Variants in CSMD1 observed in about 807,000 individuals in gnomAD.
CSMD1 encodes the protein CUB and Sushi multiple domains 1, also known as CUB and sushi domain-containing protein 1.
Under a neutral mutation model 417.5 loss-of-function variants are expected in CSMD1, and 213 were observed. The ratio of observed to expected loss-of-function variants is 0.51; its 90% CI spans 0.46 to 0.57. The LOEUF (loss-of-function observed/expected upper bound fraction) is 0.57. CSMD1 is among the 20% of genes least tolerant of loss of function. The pLI is 0.00. For synonymous variants in CSMD1, 2,862 were observed against 1,736.8 expected (o/e 1.65, Z -16.11); for missense variants, 6,923 against 4,529.7 (o/e 1.53, Z -15.17).
At chr8:4,734,492 A>G (rs544671952) in intron 1 of CSMD1, among the ~76,000 whole-genome samples, 1 of 152,272 alleles carries the variant, frequency 6.6e-6, no homozygotes, top group African/African-American at 2.4e-5. Context: ...AAGCTCTAAG[A>G]TTTTTTTATT....
intron 41 of CSMD1, among the ~76,000 whole-genome samples, chr8:3,133,233 A>T (rs1033626107): frequency 6.6e-6 from 1 of 151,658 alleles, no homozygotes; most frequent in Non-Finnish European, 1.5e-5. Flanking sequence ...TGCTGTCCCA[A>T]TGGGGCCCCT....
chr8:4,037,600 G>C (rs1797686268), intron 3 of CSMD1, among the ~76,000 whole-genome samples: 1 of 107,110 alleles, frequency 9.3e-6, no homozygotes, highest in Non-Finnish European at 1.9e-5. Flanking sequence ...CAATGGAAAG[G>C]AGAATGGACT....
At chr8:4,464,121 C>T (rs1800005228) in intron 2 of CSMD1, among the ~76,000 whole-genome samples, 1 of 150,836 alleles carries the variant, frequency 6.6e-6, no homozygotes, top group Non-Finnish European at 1.5e-5. Flanking sequence ...GAGCTCAGAA[C>T]CTTGAGTCGA....
chr8:3,347,941 T>G, intron 22 of CSMD1, 51 bp downstream of exon 22: 1 of 1,339,806 alleles, frequency 7.5e-7, no homozygotes, highest in Non-Finnish European at 1.0e-6. Flanking sequence ...AGACAATGTA[T>G]TTTTTGAGAA....
At chr8:4,306,844 T>C (rs1241892208) in intron 3 of CSMD1, among the ~76,000 whole-genome samples, 2 of 119,944 alleles carry the variant, frequency 1.7e-5, no homozygotes, top group Admixed American at 8.6e-5. Context: ...TTAAAAAAAA[T>C]CTAATAATTT....
intron 2 of CSMD1, among the ~76,000 whole-genome samples, chr8:4,471,887 G>A (rs1800557012): frequency 6.6e-6 from 1 of 152,098 alleles, no homozygotes; most frequent in Non-Finnish European, 1.5e-5. Context: ...GTTTCCAGTG[G>A]GTAGGCTACA....
chr8:3,495,921 G>C (rs917768800), intron 10 of CSMD1, among the ~76,000 whole-genome samples: 1 of 152,048 alleles, frequency 6.6e-6, no homozygotes, highest in Non-Finnish European at 1.5e-5. Context: ...CTTTCCTTAA[G>C]TTCCGGGGTA....
intron 3 of CSMD1, among the ~76,000 whole-genome samples, chr8:4,126,243 C>T (rs1046725114): frequency 2.0e-5 from 3 of 152,158 alleles, no homozygotes; most frequent in African/African-American, 4.8e-5. Context: ...AATAAAACTC[C>T]AGTCTCCCAC....
At chr8:2,972,848 T>C (rs913674311) in intron 57 of CSMD1, among the ~76,000 whole-genome samples, 2 of 152,086 alleles carry the variant, frequency 1.3e-5, no homozygotes, top group Non-Finnish European at 2.9e-5. Flanking sequence ...ACACCACATA[T>C]AGATTATCAC....
intron 3 of CSMD1, among the ~76,000 whole-genome samples, chr8:4,403,976 TCTC>T (rs1804836765): frequency 6.6e-6 from 1 of 152,056 alleles, no homozygotes; most frequent in Admixed American, 6.6e-5. Context: ...CCCCTAAAAC[TCTC>T]CTTTCTCAGG....
chr8:4,647,153 G>T (rs1052373989), intron 1 of CSMD1, among the ~76,000 whole-genome samples: 2 of 151,846 alleles, frequency 1.3e-5, no homozygotes, highest in Non-Finnish European at 2.9e-5. Context: ...TCACAAATGG[G>T]TTCATATCCA....
chr8:4,851,425 C>A (rs551135274), intron 1 of CSMD1, among the ~76,000 whole-genome samples: 1 of 151,842 alleles, frequency 6.6e-6, no homozygotes, highest in Admixed American at 6.6e-5. Context: ...GCATCTTCTT[C>A]GTCAATTTCT....
rs535297674 is a variant in CSMD1, at chr8:3,277,010, A to C, written c.4153+7134T>G. On this transcript the variant is annotated intron_variant, in intron 26 of 69. Coordinates refer to ENST00000635120, the MANE Select transcript of CSMD1 (RefSeq NM_033225.6). ...AAGTGACAATGTGATTGTCTTCGCT[A>C]AAGAAACCTTTGAATGTGAGATAGG... Among the ~76,000 whole-genome samples the C allele has an allele frequency of 5.3e-5, 8 of 152,248 alleles. No homozygotes were observed. In the South Asian group the frequency reaches 1.7e-3, roughly 32 times the overall value.
At chr8:4,990,733 T>C (rs148245837) in intron 1 of CSMD1, among the ~76,000 whole-genome samples, 106 of 152,178 alleles carry the variant, frequency 7.0e-4, no homozygotes, top group African/African-American at 2.5e-3. Flanking sequence ...CCTGGCTTCA[T>C]CAGGAGGAAG....
At position 4,796,594 on chromosome 8, in the gene CSMD1, C is replaced by T. The variant is rs145845135; in HGVS notation, c.86-159036G>A. The stretch of plus-strand genomic sequence containing the variant: ...ACTCACTGTGGGAGGCTGCAGACCT[C>T]GGCTCCAAGACCACTGATTAGCAAA... On this transcript the variant is annotated intron_variant, in intron 1 of 69. Coordinates refer to ENST00000635120, the MANE Select transcript of CSMD1 (RefSeq NM_033225.6). 3.2e-4 allele frequency among the ~76,000 whole-genome samples: 49 copies of T among 152,000 alleles called. No homozygotes were observed. In the East Asian group the frequency reaches 8.8e-3, roughly 27 times the overall value.
At chr8:4,784,834 TAGA>T (rs1480750929) in intron 1 of CSMD1, among the ~76,000 whole-genome samples, 3 of 152,186 alleles carry the variant, frequency 2.0e-5, no homozygotes, top group Non-Finnish European at 4.4e-5. Flanking sequence ...GCAGGAAGAC[TAGA>T]AGGATATGAT....
chr8:4,337,046 A>G (rs1284245868), intron 3 of CSMD1, among the ~76,000 whole-genome samples: 1 of 152,092 alleles, frequency 6.6e-6, no homozygotes, highest in Non-Finnish European at 1.5e-5. Flanking sequence ...AATTTTGCCC[A>G]CACATTGCAT....
intron 6 of CSMD1, among the ~76,000 whole-genome samples, chr8:3,729,385 G>T (rs937865782): frequency 6.6e-6 from 1 of 152,310 alleles, no homozygotes; most frequent in South Asian, 2.1e-4. Flanking sequence ...GGGCTCAGTT[G>T]TGCTCAGTCA....
chr8:4,541,529 C>T (rs1473580356), intron 2 of CSMD1, among the ~76,000 whole-genome samples: 1 of 151,970 alleles, frequency 6.6e-6, no homozygotes, highest in Admixed American at 6.6e-5. Flanking sequence ...GGGCCTATTG[C>T]TTGAGGTCAG....
Sources: gnomAD v4.1 joint callset for allele counts (sites outside exome capture counted in the v4.1 genomes callset) on GRCh38, gnomAD v4.1.1 for gene constraint, MANE v1.5 for transcripts, NCBI Gene and HGNC (gene_info 2026-07-23, HGNC 2026-07-21) for gene names.